Variants in MPND observed in about 807,000 individuals in gnomAD.
The protein encoded by MPND is MPN domain-containing protein.
MPND carries 56 observed loss-of-function variants against 59.2 expected under a neutral mutation model. The ratio of observed to expected loss-of-function variants is 0.95; its 90% confidence interval spans 0.76 to 1.18. MPND has a LOEUF of 1.18. Ranked by LOEUF, MPND falls within the 50% of genes most tolerant of loss-of-function variation. MPND has a pLI of 0.00. For missense variants in MPND, 671 were observed against 676.0 expected (o/e 0.99, Z 0.08); for synonymous variants, 323 against 291.9 (o/e 1.11, Z -1.09).
At position 4,359,101 on chromosome 19, in the gene MPND, G is replaced by A. The variant is rs574036363; in HGVS notation, c.1327-62G>A. 8.6e-4 allele frequency: 978 copies of A among 1,137,260 alleles called. 20 individuals are homozygous for A. In the South Asian group the frequency reaches 8.8e-3, roughly 10 times the overall value. 70.4% of individuals were successfully genotyped at this position (1,137,260 alleles called of 1,614,324 possible). Reference sequence around the variant, plus strand: ...GCTGCCTGAGACTGGAACCCCAGGAGAGGCGCTGAGGTACCTCAGGCTTGG... The same window carrying A: ...GCTGCCTGAGACTGGAACCCCAGGAAAGGCGCTGAGGTACCTCAGGCTTGG... On this transcript the variant is annotated intron_variant, in intron 11 of 12. Coordinates refer to ENST00000599840, the MANE Select transcript of MPND (RefSeq NM_001300862.2).
chr19:4,352,621 T>C (rs1342885654), intron 3 of MPND, among the ~76,000 whole-genome samples: 1 of 152,062 alleles, frequency 6.6e-6, no homozygotes, highest in East Asian at 1.9e-4. Context: ...GAGGCAGAAG[T>C]TGCAGTGAGC....
chr19:4,352,274 C>T (rs1332284556), intron 3 of MPND, among the ~76,000 whole-genome samples: 1 of 152,196 alleles, frequency 6.6e-6, no homozygotes, highest in Non-Finnish European at 1.5e-5. Flanking sequence ...CAGACCTTGG[C>T]GATGACTTTG....
chr19:4,352,993 C>A lies in MPND; in HGVS notation c.628C>A (p.Pro210Thr). ...CTCAGCAGAGGACAAGAGTCGGAGACCACTGGGGAAGAGCCCTTCAGAGCC... is the reference window on the plus strand; with the variant it reads ...CTCAGCAGAGGACAAGAGTCGGAGAACACTGGGGAAGAGCCCTTCAGAGCC... ...GVSAEDKSRR[P>T]LGKSPSEPAH... The change falls in exon 4 of 13, where the codon CCA (proline) becomes ACA (threonine). Residue 210 changes from proline to threonine, a missense_variant. Physicochemically the swap from Pro to Thr is conservative, Grantham distance 38 (BLOSUM62 -1). Transcript: ENST00000599840. The A allele has an allele frequency of 7.3e-7, 1 of 1,364,602 alleles. No individual in the cohort carries two copies. The highest frequency in any genetic ancestry group is 9.5e-7 in the Non-Finnish European group (1 of 1,048,690). 84.5% of individuals were successfully genotyped at this position (1,364,602 alleles called of 1,614,324 possible).
Position 4,345,730 on chromosome 19 carries a change from T to A in MPND, c.295-15T>A. 6.2e-7 allele frequency: 1 copy of A among 1,613,226 alleles called. No homozygotes were observed. Among genetic ancestry groups the A allele is most frequent in the South Asian group, 1.1e-5 (1 of 91,056 alleles). On this transcript the variant is annotated splice_polypyrimidine_tract_variant and intron_variant, in intron 2 of 12. Transcript: ENST00000599840. ...GGTGTTGGTCCTGGGCCCAGCCAGC[T>A]GACTGTCACTGCAGGGGAAGAAGTT...
At chr19:4,351,015 G>A (rs1052631407) in intron 3 of MPND, among the ~76,000 whole-genome samples, 11 of 152,164 alleles carry the variant, frequency 7.2e-5, no homozygotes, top group East Asian at 1.9e-4. Context: ...AGATGCTGCC[G>A]AGAAGGTGAC....
At chr19:4,357,121 GGGCCTGTCTT>G in intron 8 of MPND, 122 bp from the exon 9 acceptor site, 1 of 926,696 alleles carries the variant, frequency 1.1e-6, no homozygotes, top group South Asian at 2.5e-5. Context: ...GGTGGGGGCA[GGGCCTGTCTT>G]GGTCATCACT....
chr19:4,343,573 C>G lies in MPND; in HGVS notation c.-21C>G. 1 of 1,221,630 alleles carries G rather than the reference C, an allele frequency of 8.2e-7. No homozygotes were observed. Among genetic ancestry groups the G allele is most frequent in the Non-Finnish European group, 1.0e-6 (1 of 981,436 alleles). The allele number at this position is 1,221,630 out of a possible 1,614,324, so 75.7% of individuals were successfully genotyped here. ...GCCGGGAAGCCGGAGTCTAGAGCTC[C>G]GGGCGCGGGGAGGCGCGGCCATGGC... On this transcript the variant is annotated 5_prime_UTR_variant, in exon 1 of 13. Coordinates refer to ENST00000599840, the MANE Select transcript of MPND (RefSeq NM_001300862.2).
intron 2 of MPND, among the ~76,000 whole-genome samples, chr19:4,345,475 T>C (rs1443755733): frequency 2.6e-5 from 4 of 152,170 alleles, no homozygotes; most frequent in Non-Finnish European, 5.9e-5. Flanking sequence ...ACAGCAGTGA[T>C]CAAGACAGAC....
At chr19:4,350,961 T>C (rs73919881) in intron 3 of MPND, among the ~76,000 whole-genome samples, 6,486 of 151,770 alleles carry the variant, frequency 0.043, 460 homozygotes, top group African/African-American at 0.15. Flanking sequence ...ATCCGGGGGT[T>C]GTGTGAGGAC....
At chr19:4,345,696 G>T in intron 2 of MPND, 49 bp from the exon 3 acceptor site, 1 of 1,568,202 alleles carries the variant, frequency 6.4e-7, no homozygotes, top group Non-Finnish European at 8.8e-7. Flanking sequence ...CGGGAGAGAG[G>T]GCATGGTGGG....
In MPND at chr19:4,345,878, G is replaced by C. The variant is rs144604946; in HGVS notation, c.428G>C (p.Cys143Ser). 6.2e-7 allele frequency: 1 copy of C among 1,614,062 alleles called. No individual in the cohort carries two copies. The highest frequency in any genetic ancestry group is 8.5e-7 in the Non-Finnish European group (1 of 1,180,040). ...KLVNPAKKSG[C>S]GWASVKYKGQ... Reference sequence around the variant, plus strand: ...GTGAACCCTGCCAAGAAGTCGGGCTGTGGCTGGGCCTCTGTCAAGTACAAA... The same window carrying C: ...GTGAACCCTGCCAAGAAGTCGGGCTCTGGCTGGGCCTCTGTCAAGTACAAA... Residue 143 changes from cysteine (C) to serine (S), a missense_variant, in exon 3 of 13, where the codon TGT becomes TCT. By Grantham distance (112) the Cys-to-Ser change is moderately radical. Transcript: ENST00000599840.
chr19:4,351,432 G>T (rs1972313337), intron 3 of MPND, among the ~76,000 whole-genome samples: 1 of 152,202 alleles, frequency 6.6e-6, no homozygotes, highest in Admixed American at 6.5e-5. Flanking sequence ...AGACGTGAAA[G>T]CCACCTATGT....
chr19:4,356,641 T>G (rs986955196), intron 8 of MPND: 2 of 151,832 alleles, frequency 1.3e-5, no homozygotes, highest in Non-Finnish European at 2.9e-5. Context: ...CTATTCTTTT[T>G]TTTTTTTCCT....
chr19:4,345,662 A>G, intron 2 of MPND, 83 bp from the exon 3 acceptor site: 2 of 1,269,906 alleles, frequency 1.6e-6, no homozygotes, highest in South Asian at 1.3e-5. Context: ...TGCCTGAGGG[A>G]GCGTAGGTCT....
intron 3 of MPND, among the ~76,000 whole-genome samples, chr19:4,351,913 C>T (rs1259886216): frequency 6.7e-6 from 1 of 150,318 alleles, no homozygotes; most frequent in African/African-American, 2.4e-5. Flanking sequence ...TGGCTCACAC[C>T]TGTAATGCCA....
intron 3 of MPND, among the ~76,000 whole-genome samples, chr19:4,352,320 G>A (rs546893664): frequency 2.0e-5 from 3 of 152,290 alleles, no homozygotes; most frequent in East Asian, 1.9e-4. Context: ...TATGCTTAGC[G>A]TTCCAATAAT....
At chr19:4,354,629 A>G in intron 6 of MPND, 1 of 601,008 alleles carries the variant, frequency 1.7e-6, no homozygotes, top group Non-Finnish European at 2.9e-6. Flanking sequence ...CACTTTGGGA[A>G]GCTGAGGCAG....
chr19:4,353,888 G>T, intron 4 of MPND, 157 bp from the exon 5 acceptor site: 1 of 631,284 alleles, frequency 1.6e-6, no homozygotes, highest in Non-Finnish European at 2.9e-6. Flanking sequence ...GAGTGCAGTG[G>T]TGTGATCACA....
chr19:4,353,634 T>C (rs555725149), intron 4 of MPND, among the ~76,000 whole-genome samples: 1 of 152,254 alleles, frequency 6.6e-6, no homozygotes, highest in African/African-American at 2.4e-5. Context: ...CAATCATGGC[T>C]AACTGCAGCC....
Sources: gnomAD v4.1 joint callset for allele counts (sites outside exome capture counted in the v4.1 genomes callset) on GRCh38, gnomAD v4.1.1 for gene constraint, MANE v1.5 for transcripts, NCBI Gene and HGNC (gene_info 2026-07-23, HGNC 2026-07-21) for gene names.